ADAMTSL3: variants seen among roughly 807,000 people sequenced by gnomAD.
ADAMTSL3 encodes ADAMTS like 3, also known as ADAMTS-like protein 3.
In ADAMTSL3, 128 loss-of-function variants were observed where a neutral mutation model predicts 201.7. That is an observed-to-expected ratio of 0.63 (90% CI 0.55 to 0.73). The LOEUF (loss-of-function observed/expected upper bound fraction) is 0.73, where lower values mean the gene tolerates loss of function less well. Ranked by LOEUF, ADAMTSL3 falls within the 30% of genes least tolerant of loss-of-function variation. ADAMTSL3 has a pLI of 0.00. For synonymous variants in ADAMTSL3, 738 were observed against 748.4 expected, an observed-to-expected ratio of 0.99 and a Z score of 0.23; for missense variants, 1,990 against 2,119.6, an observed-to-expected ratio of 0.94 and a Z score of 1.20.
chr15:83,692,591 C>T (rs920673005), intron 2 of ADAMTSL3, among the ~76,000 whole-genome samples: 1 of 145,120 alleles, frequency 6.9e-6, no homozygotes, highest in African/African-American at 2.6e-5. Flanking sequence ...GAGGCTGAGG[C>T]AGGAGAATGT....
At chr15:83,910,973 A>G (rs1295463237) in intron 15 of ADAMTSL3, among the ~76,000 whole-genome samples, 1 of 152,108 alleles carries the variant, frequency 6.6e-6, no homozygotes, top group Non-Finnish European at 1.5e-5. Flanking sequence ...TCCTCTCGAG[A>G]TTCTCAATCA....
intron 8 of ADAMTSL3, among the ~76,000 whole-genome samples, chr15:83,860,008 A>T (rs577399081): frequency 5.5e-4 from 82 of 149,026 alleles, no homozygotes; most frequent in African/African-American, 1.7e-3. Context: ...ACGAAAAATT[A>T]AAAAAAAAAA....
At chr15:84,005,641 G>C (rs1044762286) in intron 23 of ADAMTSL3, among the ~76,000 whole-genome samples, 1 of 152,206 alleles carries the variant, frequency 6.6e-6, no homozygotes, top group African/African-American at 2.4e-5. Flanking sequence ...GAACTGCCCA[G>C]GCTCGCGCAA....
intron 19 of ADAMTSL3, among the ~76,000 whole-genome samples, chr15:83,963,815 G>C (rs954326806): frequency 2.4e-4 from 36 of 152,200 alleles, no homozygotes; most frequent in South Asian, 2.3e-3. Flanking sequence ...GGAAGGAACA[G>C]GCAGCAATCT....
At chr15:83,670,258 CAAAAAAAAAA>C (rs60947988) in intron 2 of ADAMTSL3, among the ~76,000 whole-genome samples, 1 of 64,520 alleles carries the variant, frequency 1.5e-5, no homozygotes, top group East Asian at 5.2e-4. Context: ...ACTCTGTCTC[CAAAAAAAAAA>C]AAAAAAAAAA....
At chr15:83,745,686 T>C (rs755017177) in intron 3 of ADAMTSL3, among the ~76,000 whole-genome samples, 6 of 152,204 alleles carry the variant, frequency 3.9e-5, no homozygotes, top group Non-Finnish European at 7.4e-5. Flanking sequence ...ACCCATGCAC[T>C]CCAGTTCCCA....
At chr15:83,871,957 G>T (rs559643480) in intron 9 of ADAMTSL3, among the ~76,000 whole-genome samples, 1 of 152,088 alleles carries the variant, frequency 6.6e-6, no homozygotes, top group Non-Finnish European at 1.5e-5. Context: ...AATTTGTCAC[G>T]GAATGTTTCA....
chr15:83,847,390 C>G (rs12593996), intron 7 of ADAMTSL3, among the ~76,000 whole-genome samples: 7,130 of 152,212 alleles, frequency 0.047, 229 homozygotes, highest in East Asian at 0.2. Context: ...CTTCCAAAAT[C>G]CCCCACTGCT....
intron 2 of ADAMTSL3, among the ~76,000 whole-genome samples, chr15:83,696,123 G>C (rs1028576608): frequency 6.6e-6 from 1 of 152,186 alleles, no homozygotes; most frequent in Non-Finnish European, 1.5e-5. Flanking sequence ...GATTCTGCCT[G>C]ATTTGCCTGG....
intron 3 of ADAMTSL3, among the ~76,000 whole-genome samples, chr15:83,749,720 G>A (rs1163021809): frequency 6.6e-6 from 1 of 152,204 alleles, no homozygotes; most frequent in Non-Finnish European, 1.5e-5. Flanking sequence ...AGGATGAATA[G>A]TAGTGGCAGG....
intron 23 of ADAMTSL3, among the ~76,000 whole-genome samples, chr15:84,012,421 C>T (rs570886388): frequency 6.6e-6 from 1 of 152,278 alleles, no homozygotes; most frequent in South Asian, 2.1e-4. Flanking sequence ...TTAGAGGCCA[C>T]CTGCACTCCC....
At chr15:83,997,305 C>T (rs557714336) in intron 23 of ADAMTSL3, among the ~76,000 whole-genome samples, 17 of 152,194 alleles carry the variant, frequency 1.1e-4, no homozygotes, top group African/African-American at 2.9e-4. Flanking sequence ...AGGTCTGAAG[C>T]GGCTGGGCAC....
chr15:83,883,183 T>TGAG (rs2065311630), intron 9 of ADAMTSL3, among the ~76,000 whole-genome samples: 1 of 144,460 alleles, frequency 6.9e-6, no homozygotes, highest in African/African-American at 2.6e-5. Context: ...TATTTTATTT[T>TGAG]ATTTTTTGAG....
In ADAMTSL3 at chr15:83,864,404, G is replaced by A. The variant is rs1596329147; in HGVS notation, c.802+5564G>A. ...ACCAAATCCAGCAGCACATCAAAAA[G>A]CTTATCCACCATGATCAAGTTGGCT... On this transcript the variant is annotated intron_variant, in intron 8 of 29. Transcript: ENST00000286744. Among the ~76,000 whole-genome samples, 6 of 152,262 alleles carry A rather than the reference G, an allele frequency of 3.9e-5. No homozygotes were observed. In the South Asian group the frequency reaches 1.0e-3, roughly 26 times the overall value.
chr15:83,951,349 C>T (rs2066753809), intron 19 of ADAMTSL3, among the ~76,000 whole-genome samples: 1 of 152,190 alleles, frequency 6.6e-6, no homozygotes, highest in Admixed American at 6.5e-5. Flanking sequence ...GCCATCCTTG[C>T]ATCCCTGGGA....
chr15:83,709,416 T>C (rs1435242025), intron 3 of ADAMTSL3, among the ~76,000 whole-genome samples: 1 of 152,226 alleles, frequency 6.6e-6, no homozygotes, highest in Non-Finnish European at 1.5e-5. Flanking sequence ...AGCCAGCCTG[T>C]CTCTGGGGTA....
At chr15:83,686,109 G>A (rs1331628415) in intron 2 of ADAMTSL3, among the ~76,000 whole-genome samples, 2 of 152,198 alleles carry the variant, frequency 1.3e-5, no homozygotes, top group African/African-American at 4.8e-5. Context: ...AGACCTCTGA[G>A]TAGATGCAGG....
intron 3 of ADAMTSL3, among the ~76,000 whole-genome samples, chr15:83,738,951 A>AAAAT (rs113704502): frequency 1.9e-4 from 29 of 148,846 alleles, no homozygotes; most frequent in Admixed American, 9.3e-4. Context: ...CCACAAGAAA[A>AAAAT]AAAATAAAAT....
chr15:83,704,003 CAAAAA>C (rs373378778), intron 2 of ADAMTSL3, among the ~76,000 whole-genome samples: 1 of 127,802 alleles, frequency 7.8e-6, no homozygotes, highest in African/African-American at 3.0e-5. Flanking sequence ...ACTCCTTTGC[CAAAAA>C]AAAAAAAAAA....
Sources: allele counts gnomAD v4.1 joint callset (sites outside exome capture counted in the v4.1 genomes callset), GRCh38; gene constraint gnomAD v4.1.1; transcripts MANE v1.5; gene names NCBI Gene and HGNC (gene_info 2026-07-23, HGNC 2026-07-21).